Variants in RBM23 observed in about 807,000 individuals in gnomAD.
RBM23 encodes the protein probable RNA-binding protein 23.
In RBM23, 53 loss-of-function variants were observed where a neutral mutation model predicts 56.2. The ratio of observed to expected loss-of-function variants is 0.94; its 90% confidence interval spans 0.76 to 1.19. RBM23 has a LOEUF of 1.19. RBM23 is among the 50% of genes most tolerant of loss of function. RBM23 has a pLI of 0.00. For synonymous variants in RBM23, 197 were observed against 198.5 expected, an observed-to-expected ratio of 0.99 and a Z score of 0.06; for missense variants, 642 against 590.3, an observed-to-expected ratio of 1.09 and a Z score of -0.91.
At position 22,902,361 on chromosome 14, in the gene RBM23, G is replaced by C. The variant is rs371290342; in HGVS notation, c.952C>G (p.Arg318Gly). ...FITFSDSECA[R>G]RALEQLNGFE... ...CCATTCAACTGTTCCAGGGCCCGCC[G>C]GGCACACTCAGAATCAGAGAACTAT... Residue 318 changes from arginine (R) to glycine (G), a missense_variant, in exon 11 of 14, where the codon CGG becomes GGG. Coordinates refer to ENST00000359890, the MANE Select transcript of RBM23 (RefSeq NM_001077351.2). 1 of 1,613,332 alleles carries C rather than the reference G, an allele frequency of 6.2e-7. No individual in the cohort carries two copies. The highest frequency in any genetic ancestry group is 8.5e-7 in the Non-Finnish European group (1 of 1,179,398).
At chr14:22,911,935 A>C (rs1289031620) in intron 1 of RBM23, 2 of 152,454 alleles carry the variant, frequency 1.3e-5, no homozygotes, top group African/African-American at 4.8e-5. Flanking sequence ...CAAACAAAAA[A>C]CACAAAAAAC....
rs2040200631 is a variant in RBM23, at chr14:22,893,643, C to G, written c.*8087G>C. On this transcript the variant is annotated 3_prime_UTR_variant, in exon 14 of 14. Transcript: ENST00000359890. Reference sequence around the variant, plus strand: ...AGGAAAAGCATTCCTTGTGGTCAAACTACATGAGCAAATGCACAGAGAAGA... The same window carrying G: ...AGGAAAAGCATTCCTTGTGGTCAAAGTACATGAGCAAATGCACAGAGAAGA... 6.6e-6 allele frequency: 1 copy of G among 152,222 alleles called. No individual in the cohort carries two copies. The highest frequency in any genetic ancestry group is 1.5e-5 in the Non-Finnish European group (1 of 68,036). 9.4% of individuals were successfully genotyped at this position (152,222 alleles called of 1,614,324 possible).
In RBM23 at chr14:22,908,385, G is replaced by T; in HGVS notation, c.180-5C>A. 1 of 1,547,040 alleles carries T rather than the reference G, an allele frequency of 6.5e-7. No individual in the cohort carries two copies. ...TGGCTCCGACTCCTCTTCTTCCTGTGAAAGAGAGTACATTCTTCTTTTTTT... is the reference window on the plus strand; with the variant it reads ...TGGCTCCGACTCCTCTTCTTCCTGTTAAAGAGAGTACATTCTTCTTTTTTT... On this transcript the variant is annotated splice_polypyrimidine_tract_variant and splice_region_variant and intron_variant, in intron 3 of 13. Transcript: ENST00000359890.
At chr14:22,909,700 G>A in intron 2 of RBM23, 105 bp from the exon 3 acceptor site, 1 of 806,610 alleles carries the variant, frequency 1.2e-6, no homozygotes, top group South Asian at 1.5e-5. Flanking sequence ...CAAACCACTT[G>A]ATTATCTAGC....
In RBM23 at chr14:22,908,548, A is replaced by G. The variant is rs753710409; in HGVS notation, c.180-168T>C. On this transcript the variant is annotated intron_variant, in intron 3 of 13. Transcript: ENST00000359890. ...GCTGGGATTACAGGCATGTACCATC[A>G]TGCCCAGCTAATTTTTTATATTTTT... 5.9e-4 allele frequency: 357 copies of G among 608,434 alleles called. 4 individuals carry two copies. The highest frequency in any genetic ancestry group is 1.4e-4 in the Non-Finnish European group (52 of 371,510). 37.7% of individuals were successfully genotyped at this position (608,434 alleles called of 1,614,324 possible). A position where few individuals can be genotyped will look rare whatever the true frequency, so the allele number is the denominator to read the frequency against.
At chr14:22,906,116 C>T in intron 5 of RBM23, 79 bp downstream of exon 5, 1 of 1,512,196 alleles carries the variant, frequency 6.6e-7, no homozygotes, top group Non-Finnish European at 9.0e-7. Flanking sequence ...AATAAGCACC[C>T]TCAAGCAGGG....
At chr14:22,913,413 CAAAA>C (rs57539414) in intron 1 of RBM23, among the ~76,000 whole-genome samples, 1 of 115,798 alleles carries the variant, frequency 8.6e-6, no homozygotes, top group African/African-American at 3.6e-5. Flanking sequence ...GGCTCCGTCT[CAAAA>C]AAAAAAAAAA....
chr14:22,914,323 CAA>C (rs1176405918), intron 1 of RBM23, among the ~76,000 whole-genome samples: 11 of 87,796 alleles, frequency 1.3e-4, no homozygotes, highest in Admixed American at 1.3e-4. Flanking sequence ...GACTCTGTCT[CAA>C]AAAAAAAAAA....
chr14:22,910,934 C>G (rs1402003760), intron 2 of RBM23, among the ~76,000 whole-genome samples: 1 of 152,120 alleles, frequency 6.6e-6, no homozygotes, highest in Non-Finnish European at 1.5e-5. Flanking sequence ...TGGCTTGAAC[C>G]CAGGAGGCGG....
intron 5 of RBM23, 65 bp from the exon 6 acceptor site, chr14:22,905,724 T>C: frequency 1.2e-5 from 15 of 1,281,976 alleles, no homozygotes; most frequent in Non-Finnish European, 1.7e-5. Flanking sequence ...GGGTCTTCCA[T>C]GGTGAGAAAA....
rs1240530304 is a variant in RBM23 at position 22,908,335 on chromosome 14, G to A, written c.225C>T (p.Arg75=). 1 of 1,549,612 alleles carries A rather than the reference G, an allele frequency of 6.5e-7. No individual in the cohort carries two copies. The highest frequency in any genetic ancestry group is 1.2e-5 in the South Asian group (1 of 84,044). Residue 75 remains arginine, a splice_region_variant and synonymous_variant, in exon 4 of 14, where the codon CGC becomes CGT. Coordinates refer to ENST00000359890, the MANE Select transcript of RBM23 (RefSeq NM_001077351.2). ...RSHNKSRDRK[R]SRSRDRDRYR... ...GTGCCTGGCCCAGAATTACTGACCTGCGCTTTCTATCCCTGCTTTTATTAT... is the reference window on the plus strand; with the variant it reads ...GTGCCTGGCCCAGAATTACTGACCTACGCTTTCTATCCCTGCTTTTATTAT...
rs768658623 is a variant in RBM23 at position 22,894,002 on chromosome 14, G to C, written c.*7728C>G. 14 of 152,170 alleles carry C rather than the reference G, an allele frequency of 9.2e-5. No individual in the cohort carries two copies. Among genetic ancestry groups the C allele is most frequent in the Non-Finnish European group, 5.9e-5 (4 of 68,032 alleles). The allele number at this position is 152,170 out of a possible 1,614,324, so 9.4% of individuals were successfully genotyped here. A position where few individuals can be genotyped will look rare whatever the true frequency, so the allele number is the denominator to read the frequency against. On this transcript the variant is annotated 3_prime_UTR_variant, in exon 14 of 14. Coordinates refer to ENST00000359890, the MANE Select transcript of RBM23 (RefSeq NM_001077351.2). ...AAGTCACTCTTAACCTGTCTGGTTT[G>C]CTGAACTCAGCTATGCTATCCCAAC...
Position 22,901,623 on chromosome 14 carries a change from C to T in RBM23, c.*107G>A. On this transcript the variant is annotated 3_prime_UTR_variant, in exon 14 of 14. Transcript: ENST00000359890. Reference sequence around the variant, plus strand: ...AATTTCCTCAGAGACAATGTCCATGCCCTCAGGATGGCTTGGTCCACAAAA... The same window carrying T: ...AATTTCCTCAGAGACAATGTCCATGTCCTCAGGATGGCTTGGTCCACAAAA... 1.4e-6 allele frequency: 2 copies of T among 1,481,122 alleles called. No homozygotes were observed. Among genetic ancestry groups the T allele is most frequent in the Middle Eastern group, 1.9e-4 (1 of 5,330 alleles). 91.7% of individuals were successfully genotyped at this position (1,481,122 alleles called of 1,614,324 possible). A position where few individuals can be genotyped will look rare whatever the true frequency, so the allele number is the denominator to read the frequency against.
chr14:22,911,026 A>G (rs543738899), intron 2 of RBM23, among the ~76,000 whole-genome samples: 4 of 152,268 alleles, frequency 2.6e-5, no homozygotes, highest in Admixed American at 6.5e-5. Flanking sequence ...AAAAAAAAAG[A>G]AATTGGTGCT....
chr14:22,907,298 C>T lies in RBM23; in HGVS notation c.228-930G>A, dbSNP rs1020651489. 5.9e-5 allele frequency among the ~76,000 whole-genome samples: 9 copies of T among 151,960 alleles called. No homozygotes were observed. In the South Asian group the frequency reaches 1.7e-3, roughly 28 times the overall value. On this transcript the variant is annotated intron_variant, in intron 4 of 13. Coordinates refer to ENST00000359890, the MANE Select transcript of RBM23 (RefSeq NM_001077351.2). Reference sequence around the variant, plus strand: ...CAGAGGTTGCGGTGAGCCAAGATCACGCCATTGCATTCCAGCCTGGGCAAC... The same window carrying T: ...CAGAGGTTGCGGTGAGCCAAGATCATGCCATTGCATTCCAGCCTGGGCAAC...
chr14:22,896,438 T>C lies in RBM23; in HGVS notation c.*5292A>G, dbSNP rs2040249967. On this transcript the variant is annotated 3_prime_UTR_variant, in exon 14 of 14. Coordinates refer to ENST00000359890, the MANE Select transcript of RBM23 (RefSeq NM_001077351.2). ...CTTAGCACCACTAATTCTAAGCAAG[T>C]AGGCTTCCTGATGCCTGAAAGCTGA... is the stretch of plus-strand genomic sequence containing the variant. 6.6e-6 allele frequency: 1 copy of C among 152,188 alleles called. No individual in the cohort carries two copies. Among genetic ancestry groups the C allele is most frequent in the Admixed American group, 6.5e-5 (1 of 15,278 alleles). 9.4% of individuals were successfully genotyped at this position (152,188 alleles called of 1,614,324 possible).
Position 22,893,966 on chromosome 14 carries a change from G to GACT in RBM23, c.*7763_*7764insAGT, listed in dbSNP as rs2040206269. On this transcript the variant is annotated 3_prime_UTR_variant, in exon 14 of 14. Coordinates refer to ENST00000359890, the MANE Select transcript of RBM23 (RefSeq NM_001077351.2). The stretch of plus-strand genomic sequence containing the variant: ...TGCTCAGGATGTTTCCTGGATGGGG[G>GACT]TCTGTGGATGAAGTCACTCTTAACC... The GACT allele has an allele frequency of 6.6e-6, 1 of 152,190 alleles. No homozygotes were observed. Among genetic ancestry groups the GACT allele is most frequent in the Non-Finnish European group, 1.5e-5 (1 of 68,044 alleles). 9.4% of individuals were successfully genotyped at this position (152,190 alleles called of 1,614,324 possible).
rs758019689 is a variant in RBM23, at chr14:22,904,899, C to T, written c.840G>A (p.Arg280=). Residue 280 remains arginine, a synonymous_variant, in exon 9 of 14, where the codon CGG becomes CGA. Coordinates refer to ENST00000359890, the MANE Select transcript of RBM23 (RefSeq NM_001077351.2). ...LHFNITEDML[R]GIFEPFGKID... ...CTTTACCAAAGGGCTCAAAGATGCC[C>T]CGGAGCATGTCTTCAGTGATATTGA... 1.9e-6 allele frequency: 3 copies of T among 1,614,058 alleles called. No individual in the cohort carries two copies. The highest frequency in any genetic ancestry group is 1.7e-5 in the Admixed American group (1 of 59,988).
At chr14:22,917,235 C>T (rs937311748) in intron 1 of RBM23, 3 of 152,120 alleles carry the variant, frequency 2.0e-5, no homozygotes, top group Non-Finnish European at 4.4e-5. Flanking sequence ...CACAAATTTT[C>T]TGTTATGAAC....
Sources: gnomAD v4.1 joint callset for allele counts (sites outside exome capture counted in the v4.1 genomes callset) on GRCh38, gnomAD v4.1.1 for gene constraint, MANE v1.5 for transcripts, NCBI Gene and HGNC (gene_info 2026-07-23, HGNC 2026-07-21) for gene names.